The following WWOX variants were observed in gnomAD, a reference collection of about 807,000 sequenced individuals.
WWOX encodes the protein WW domain containing oxidoreductase.
In WWOX, 69 loss-of-function variants were observed where a neutral mutation model predicts 46.2. The ratio of observed to expected loss-of-function variants is 1.49; its 90% confidence interval spans 1.23 to 1.82. The LOEUF is 1.82. Ranked by LOEUF, WWOX falls within the 40% of genes most tolerant of loss-of-function variation. WWOX has a pLI of 0.00. For synonymous variants in WWOX, 359 were observed against 202.6 expected (o/e 1.77, Z -6.56); for missense variants, 919 against 542.6 (o/e 1.69, Z -6.89).
At chr16:79,136,952 C>T (rs559309527) in intron 8 of WWOX, among the ~76,000 whole-genome samples, 1 of 152,210 alleles carries the variant, frequency 6.6e-6, no homozygotes, top group Non-Finnish European at 1.5e-5. Flanking sequence ...CTCCCCCTAT[C>T]TTACAGAGAA....
At chr16:78,903,189 C>G (rs2151244499) in intron 8 of WWOX, among the ~76,000 whole-genome samples, 1 of 152,268 alleles carries the variant, frequency 6.6e-6, no homozygotes, top group South Asian at 2.1e-4. Context: ...TTCCCATTGG[C>G]CACTTGGGGT....
intron 8 of WWOX, among the ~76,000 whole-genome samples, chr16:79,158,277 C>G (rs1013887832): frequency 6.6e-5 from 10 of 152,216 alleles, no homozygotes; most frequent in Admixed American, 3.9e-4. Flanking sequence ...AAACAAAGAA[C>G]CACATTTCAA....
chr16:78,517,451 G>T (rs573336870), intron 8 of WWOX, among the ~76,000 whole-genome samples: 1 of 152,156 alleles, frequency 6.6e-6, no homozygotes, highest in Non-Finnish European at 1.5e-5. Context: ...TGAATGTCTT[G>T]TTCGACGCTT....
intron 8 of WWOX, among the ~76,000 whole-genome samples, chr16:78,842,719 A>T (rs11640201): frequency 0.081 from 12,235 of 151,922 alleles, 635 homozygotes; most frequent in Non-Finnish European, 0.12. Flanking sequence ...AAAAAAATCA[A>T]CTCACACCTG....
At chr16:79,078,786 C>G (rs545645153) in intron 8 of WWOX, among the ~76,000 whole-genome samples, 62 of 152,298 alleles carry the variant, frequency 4.1e-4, no homozygotes, top group African/African-American at 1.4e-3. Context: ...CTTCTCTTGG[C>G]CTTTATTTCT....
intron 4 of WWOX, among the ~76,000 whole-genome samples, chr16:78,141,191 G>A (rs1213260421): frequency 6.6e-6 from 1 of 152,220 alleles, no homozygotes; most frequent in African/African-American, 2.4e-5. Context: ...GCTGCTTAGT[G>A]AGGATGTTGC....
At chr16:78,486,533 C>T (rs1049540320) in intron 8 of WWOX, among the ~76,000 whole-genome samples, 1 of 150,374 alleles carries the variant, frequency 6.7e-6, no homozygotes, top group African/African-American at 2.5e-5. Flanking sequence ...TTGTTGTACA[C>T]TACTGGGTGT....
At chr16:78,880,955 A>G (rs943468337) in intron 8 of WWOX, among the ~76,000 whole-genome samples, 4 of 143,490 alleles carry the variant, frequency 2.8e-5, no homozygotes, top group East Asian at 2.0e-4. Context: ...TTATGAGTCT[A>G]TCTTTCGGTC....
chr16:78,343,274 A>G (rs2081044861), intron 5 of WWOX, among the ~76,000 whole-genome samples: 1 of 119,916 alleles, frequency 8.3e-6, no homozygotes, highest in African/African-American at 2.8e-5. Context: ...GTCACCCATG[A>G]TGCTGTGCTG....
intron 8 of WWOX, among the ~76,000 whole-genome samples, chr16:79,202,393 G>C (rs2051373248): frequency 6.6e-6 from 1 of 152,154 alleles, no homozygotes; most frequent in Non-Finnish European, 1.5e-5. Flanking sequence ...CAACAAATAG[G>C]AATTACATTC....
intron 8 of WWOX, among the ~76,000 whole-genome samples, chr16:78,803,144 C>T (rs1431251014): frequency 6.6e-6 from 1 of 151,576 alleles, no homozygotes; most frequent in Non-Finnish European, 1.5e-5. Context: ...CAGGATCCAA[C>T]AGTTCTGATT....
chr16:79,043,698 C>G (rs1221199223), intron 8 of WWOX, among the ~76,000 whole-genome samples: 1 of 152,188 alleles, frequency 6.6e-6, no homozygotes, highest in Non-Finnish European at 1.5e-5. Flanking sequence ...CCAGTATAGA[C>G]TGGGCAGAGG....
chr16:78,735,949 C>T (rs965165873), intron 8 of WWOX, among the ~76,000 whole-genome samples: 2 of 152,198 alleles, frequency 1.3e-5, no homozygotes, highest in Non-Finnish European at 2.9e-5. Context: ...TGGGCCTTCC[C>T]AATTTACCTG....
intron 8 of WWOX, among the ~76,000 whole-genome samples, chr16:78,678,323 G>T (rs947338916): frequency 2.6e-5 from 4 of 152,162 alleles, no homozygotes; most frequent in African/African-American, 9.7e-5. Context: ...CTGCAGTAGG[G>T]TATGAGCGGG....
intron 8 of WWOX, among the ~76,000 whole-genome samples, chr16:78,997,428 T>G (rs1483252337): frequency 2.0e-5 from 3 of 152,188 alleles, no homozygotes; most frequent in Non-Finnish European, 4.4e-5. Context: ...AAAATAGGTT[T>G]GTTGTTATTT....
chr16:79,064,412 A>G (rs1224905076), intron 8 of WWOX, among the ~76,000 whole-genome samples: 3 of 152,206 alleles, frequency 2.0e-5, no homozygotes, highest in Admixed American at 6.5e-5. Context: ...TATTTTGAAG[A>G]TTAAATGAGA....
At chr16:78,734,543 C>T (rs142578703) in intron 8 of WWOX, among the ~76,000 whole-genome samples, 10 of 152,268 alleles carry the variant, frequency 6.6e-5, no homozygotes, top group South Asian at 6.2e-4. Context: ...TTGGACCTCA[C>T]TGAACTTGAG....
rs557332065 is a variant in WWOX at position 78,936,748 on chromosome 16, T to C, written c.1057-274860T>C. 2.0e-4 allele frequency among the ~76,000 whole-genome samples: 31 copies of C among 151,752 alleles called. No homozygotes were observed. The South Asian group carries it at 2.3e-3, about 11-fold the overall frequency. On this transcript the variant is annotated intron_variant, in intron 8 of 8. Transcript: ENST00000566780. ...GTTTCCAGAAAATGGCTCCAGTGGA[T>C]CAACTATGAGTTAAGTAAAAAAAAA...
chr16:78,606,270 C>T (rs1180470462), intron 8 of WWOX, among the ~76,000 whole-genome samples: 2 of 152,144 alleles, frequency 1.3e-5, no homozygotes, highest in African/African-American at 4.8e-5. Context: ...TTGGTGCAAT[C>T]ACTTAAAAAG....
Sources: gnomAD v4.1 joint callset for allele counts (sites outside exome capture counted in the v4.1 genomes callset) on GRCh38, gnomAD v4.1.1 for gene constraint, MANE v1.5 for transcripts, NCBI Gene and HGNC (gene_info 2026-07-23, HGNC 2026-07-21) for gene names.